Variants in RARB observed in about 807,000 individuals in gnomAD.
RARB encodes HBV-activated protein.
Under a neutral mutation model 51.9 loss-of-function variants are expected in RARB, and 17 were observed. The ratio of observed to expected loss-of-function variants is 0.33; its 90% CI spans 0.22 to 0.49. RARB has a LOEUF of 0.49. RARB is among the 20% of genes least tolerant of loss of function. The probability of loss-of-function intolerance (pLI) is 0.99; values close to 1 mark genes in which losing one functional copy is unlikely to be tolerated. For synonymous variants in RARB, 215 were observed against 195.4 expected, an observed-to-expected ratio of 1.10 and a Z score of -0.84; for missense variants, 369 against 550.8, an observed-to-expected ratio of 0.67 and a Z score of 3.30.
At chr3:25,444,609 A>G (rs574136288) in intron 1 of RARB, among the ~76,000 whole-genome samples, 1 of 152,200 alleles carries the variant, frequency 6.6e-6, no homozygotes, top group African/African-American at 2.4e-5. Flanking sequence ...GTGGGTATCA[A>G]GTGAGTATTA....
chr3:25,433,244 C>T (rs1708279948), intron 1 of RARB, among the ~76,000 whole-genome samples: 1 of 152,016 alleles, frequency 6.6e-6, no homozygotes, highest in South Asian at 2.1e-4. Context: ...GCACAGTTCC[C>T]ACATAAATCA....
intron 2 of RARB, among the ~76,000 whole-genome samples, chr3:24,981,175 G>A (rs984286737): frequency 1.3e-5 from 2 of 152,170 alleles, no homozygotes; most frequent in African/African-American, 4.8e-5. Context: ...TGTATGAGGT[G>A]TCCGTCAGCC....
At chr3:25,591,847 G>A (rs1575548629) in intron 5 of RARB, among the ~76,000 whole-genome samples, 1 of 152,262 alleles carries the variant, frequency 6.6e-6, no homozygotes. Flanking sequence ...TATCCACGCT[G>A]GAGTCCTTTG....
intron 5 of RARB, among the ~76,000 whole-genome samples, chr3:25,362,198 A>G (rs1705964037): frequency 6.6e-6 from 1 of 152,074 alleles, no homozygotes; most frequent in African/African-American, 2.4e-5. Flanking sequence ...AGAGTGGAGG[A>G]ATCTAGAGAG....
At chr3:24,884,758 T>C (rs184749843) in intron 2 of RARB, among the ~76,000 whole-genome samples, 10 of 152,302 alleles carry the variant, frequency 6.6e-5, no homozygotes, top group African/African-American at 2.2e-4. Context: ...CGATAACATC[T>C]AATTAACTCT....
intron 1 of RARB, among the ~76,000 whole-genome samples, chr3:25,456,629 C>A (rs566766248): frequency 1.6e-4 from 19 of 118,038 alleles, no homozygotes; most frequent in African/African-American, 3.3e-4. Context: ...AATAAAAGAC[C>A]ACTGACCATC....
At chr3:25,047,886 C>T (rs1421238071) in intron 2 of RARB, among the ~76,000 whole-genome samples, 1 of 152,136 alleles carries the variant, frequency 6.6e-6, no homozygotes, top group Non-Finnish European at 1.5e-5. Context: ...TAATAATCCC[C>T]ACCTGTAAAG....
chr3:25,430,604 G>A (rs1439308438), intron 1 of RARB, among the ~76,000 whole-genome samples: 1 of 152,152 alleles, frequency 6.6e-6, no homozygotes, highest in African/African-American at 2.4e-5. Context: ...GTTTGTTCTT[G>A]GACAAGTTAA....
intron 2 of RARB, among the ~76,000 whole-genome samples, chr3:24,954,115 C>G (rs960161865): frequency 1.3e-5 from 2 of 152,148 alleles, no homozygotes; most frequent in African/African-American, 2.4e-5. Context: ...GTTTTCTGTT[C>G]CTGCTCTTTT....
intron 2 of RARB, among the ~76,000 whole-genome samples, chr3:24,878,408 C>T (rs778332357): frequency 2.0e-5 from 3 of 151,580 alleles, no homozygotes; most frequent in Non-Finnish European, 2.9e-5. Context: ...GTTTTACATG[C>T]TTTCCTCAGA....
At chr3:25,425,727 A>T (rs1707971100), upstream of RARB, among the ~76,000 whole-genome samples, 1 of 152,214 alleles carries the variant, frequency 6.6e-6, no homozygotes, top group Non-Finnish European at 1.5e-5. Context: ...GCAATGATAC[A>T]GTATAGAGGT....
intron 5 of RARB, among the ~76,000 whole-genome samples, chr3:25,177,819 A>G (rs2649619): frequency 0.21 from 31,961 of 152,114 alleles, 3,522 homozygotes; most frequent in South Asian, 0.28. Flanking sequence ...GCAGTCATTT[A>G]ACCTCTCTGA....
At chr3:25,281,383 A>C (rs1167704757) in intron 5 of RARB, among the ~76,000 whole-genome samples, 1 of 152,224 alleles carries the variant, frequency 6.6e-6, no homozygotes, top group African/African-American at 2.4e-5. Flanking sequence ...GTTCAAGTGA[A>C]GGCCACTAGC....
At chr3:25,303,641 G>C (rs1704091465) in intron 5 of RARB, among the ~76,000 whole-genome samples, 1 of 152,104 alleles carries the variant, frequency 6.6e-6, no homozygotes, top group African/African-American at 2.4e-5. Context: ...TTTCTGCATG[G>C]TGCTGTTCAT....
At chr3:25,195,816 A>T (rs772504753) in intron 5 of RARB, among the ~76,000 whole-genome samples, 18 of 152,184 alleles carry the variant, frequency 1.2e-4, no homozygotes, top group Admixed American at 4.6e-4. Flanking sequence ...CTTGAGTGAT[A>T]AAATATGAAA....
intron 5 of RARB, among the ~76,000 whole-genome samples, chr3:25,263,037 A>T (rs1313547429): frequency 6.6e-6 from 1 of 152,176 alleles, no homozygotes; most frequent in Non-Finnish European, 1.5e-5. Flanking sequence ...GTCTAGTGAT[A>T]ACCTGGGACC....
intron 5 of RARB, among the ~76,000 whole-genome samples, chr3:25,586,742 G>A (rs958512811): frequency 3.3e-5 from 5 of 152,160 alleles, no homozygotes; most frequent in African/African-American, 9.7e-5. Flanking sequence ...ATGGAGGGCC[G>A]TTCCCATGTG....
intron 2 of RARB, among the ~76,000 whole-genome samples, chr3:25,497,376 G>A (rs1697093989): frequency 1.3e-5 from 2 of 152,110 alleles, no homozygotes; most frequent in Admixed American, 1.3e-4. Context: ...TGCTATTCTT[G>A]CCCATGCAGA....
intron 5 of RARB, among the ~76,000 whole-genome samples, chr3:25,235,714 A>T (rs1702286450): frequency 6.6e-6 from 1 of 152,228 alleles, no homozygotes; most frequent in South Asian, 2.1e-4. Flanking sequence ...GAATGAAGAC[A>T]TGCGTGCGAG....
Sources: allele counts gnomAD v4.1 joint callset (sites outside exome capture counted in the v4.1 genomes callset), GRCh38; gene constraint gnomAD v4.1.1; transcripts MANE v1.5; gene names NCBI Gene and HGNC (gene_info 2026-07-23, HGNC 2026-07-21).